The following ATP9A variants were observed in gnomAD, a reference collection of about 807,000 sequenced individuals.
ATP9A encodes the protein probable phospholipid-transporting ATPase IIA.
ATP9A carries 52 observed loss-of-function variants against 144.1 expected under a neutral mutation model. The ratio of observed to expected loss-of-function variants is 0.36; its 90% confidence interval spans 0.29 to 0.45. ATP9A has a LOEUF of 0.45. Ranked by LOEUF, ATP9A falls within the 20% of genes least tolerant of loss-of-function variation. The pLI is 1.00. For missense variants in ATP9A, 947 were observed against 1,392.7 expected (o/e 0.68, Z 5.09); for synonymous variants, 582 against 557.4 (o/e 1.04, Z -0.62).
intron 1 of ATP9A, among the ~76,000 whole-genome samples, chr20:51,767,249 C>T (rs1428589835): frequency 6.6e-6 from 1 of 152,122 alleles, no homozygotes. Context: ...CCGCAGGCCC[C>T]GCCCAACACC....
intron 1 of ATP9A, among the ~76,000 whole-genome samples, chr20:51,760,406 C>T (rs778393606): frequency 9.2e-5 from 14 of 152,128 alleles, no homozygotes; most frequent in Non-Finnish European, 1.9e-4. Context: ...TTCGAAAATT[C>T]AGTGCTCACA....
chr20:51,689,001 A>G, intron 9 of ATP9A, 63 bp downstream of exon 9: 1 of 1,541,170 alleles, frequency 6.5e-7, no homozygotes, highest in African/African-American at 1.4e-5. Context: ...TGATTATTCT[A>G]ATTACAAAAG....
At position 51,743,997 on chromosome 20, in the gene ATP9A, A is replaced by ACT. The variant is rs963100265; in HGVS notation, c.69-14021_69-14020dup. ...ACTCCAGCCTTGGTGACAGAGTAAGACTCCATCTCAAAAAAAAAAAAGTTA... is the reference window on the plus strand; with the variant it reads ...ACTCCAGCCTTGGTGACAGAGTAAGACTCTCCATCTCAAAAAAAAAAAAGTTA... On this transcript the variant is annotated intron_variant, in intron 1 of 27. Transcript: ENST00000338821. Among the ~76,000 whole-genome samples the ACT allele has an allele frequency of 2.0e-5, 3 of 150,632 alleles. No individual in the cohort carries two copies. The East Asian group carries it at 6.0e-4, about 30-fold the overall frequency.
In ATP9A at chr20:51,729,852, G is replaced by C. The variant is rs370100451; in HGVS notation, c.195C>G (p.Phe65Leu). The C allele has an allele frequency of 8.8e-6, 14 of 1,590,964 alleles. No individual in the cohort carries two copies. The African/African-American group carries it at 1.8e-4, about 20-fold the overall frequency. The change falls in exon 2 of 28, where the codon TTC (phenylalanine) becomes TTG (leucine). Residue 65 changes from phenylalanine to leucine, a missense_variant. Phe to Leu is a conservative substitution (Grantham distance 22). Around this residue, in one of 2 missense-constraint regions of ATP9A, gnomAD observed 770 missense variants for 1,047.9 expected, o/e 0.73. Transcript: ENST00000338821. Reference sequence around the variant, plus strand: ...CACGTACCCCAGGAAGAAAGGTGAAGAAATTGTACTTCTGATTGTTGATGA... The same window carrying C: ...CACGTACCCCAGGAAGAAAGGTGAACAAATTGTACTTCTGATTGTTGATGA... Reference protein sequence around the residue: ...RNVINNQKYNFFTFLPGVLFN... With the variant: ...RNVINNQKYNLFTFLPGVLFN...
Position 51,671,146 on chromosome 20 carries a change from G to A in ATP9A, c.1149C>T (p.Gly383=), listed in dbSNP as rs766017062. The change falls in exon 12 of 28, where the codon GGC becomes GGT. Residue 383 remains glycine (G), a synonymous_variant. Transcript: ENST00000338821. ...VRSSTIPEQL[G]RISYLLTDKT... ...TGTCTGTGAGTAAGTACGAAATCCT[G>A]CCCAGCTGCTCAGGAATCGTGCTGG... 1.2e-6 allele frequency: 2 copies of A among 1,613,994 alleles called. No individual in the cohort carries two copies. The highest frequency in any genetic ancestry group is 8.5e-7 in the Non-Finnish European group (1 of 1,179,954).
At chr20:51,745,426 C>CAAA (rs11483249) in intron 1 of ATP9A, among the ~76,000 whole-genome samples, 15 of 142,592 alleles carry the variant, frequency 1.1e-4, no homozygotes, top group Admixed American at 3.6e-4. Context: ...GATTCTGTCT[C>CAAA]AAAAAAAAAA....
chr20:51,719,749 G>GAAAAA (rs1343871320), intron 3 of ATP9A, among the ~76,000 whole-genome samples: 26,158 of 128,114 alleles, frequency 0.2, 3,009 homozygotes, highest in East Asian at 0.42. Flanking sequence ...AAAAAAAGGG[G>GAAAAA]GGGGAAGAAG....
intron 4 of ATP9A, among the ~76,000 whole-genome samples, chr20:51,707,422 A>C (rs774800775): frequency 6.6e-6 from 1 of 152,124 alleles, no homozygotes; most frequent in Admixed American, 6.5e-5. Flanking sequence ...TGCCTGCTTC[A>C]ATACCATCCA....
In ATP9A at chr20:51,671,201, T is replaced by TC. The variant is rs1347132791; in HGVS notation, c.1093dup (p.Asp365GlyfsTer16). The TC allele has an allele frequency of 1.2e-6, 2 of 1,613,988 alleles. No individual in the cohort carries two copies. Among genetic ancestry groups the TC allele is most frequent in the Non-Finnish European group, 1.7e-6 (2 of 1,179,990 alleles). ...AACCACGGTCCCGGGGATTTTCGAGTCCCTTCGAATCACCCAGCTGTACAC... is the reference window on the plus strand; with the variant it reads ...AACCACGGTCCCGGGGATTTTCGAGTCCCCTTCGAATCACCCAGCTGTACAC... On this transcript the variant is annotated frameshift_variant, in exon 12 of 28. Transcript: ENST00000338821. LOFTEE classifies it high-confidence loss of function.
At chr20:51,717,008 C>T (rs568019996) in intron 3 of ATP9A, among the ~76,000 whole-genome samples, 8 of 151,916 alleles carry the variant, frequency 5.3e-5, no homozygotes, top group African/African-American at 1.9e-4. Context: ...ACCCCCACCC[C>T]TATTAAAAGT....
At chr20:51,612,895 G>A (rs945590485) in intron 23 of ATP9A, among the ~76,000 whole-genome samples, 8 of 152,180 alleles carry the variant, frequency 5.3e-5, no homozygotes, top group Non-Finnish European at 1.0e-4. Flanking sequence ...AGACAGAACC[G>A]TGATGCTGAG....
chr20:51,617,326 C>A (rs2077207237), intron 22 of ATP9A, among the ~76,000 whole-genome samples, 164 bp downstream of exon 22: 1 of 152,154 alleles, frequency 6.6e-6, no homozygotes, highest in African/African-American at 2.4e-5. Context: ...TGTAGCAATA[C>A]AGACCTCTAT....
At chr20:51,724,807 A>G (rs564376269) in intron 3 of ATP9A, among the ~76,000 whole-genome samples, 10 of 152,346 alleles carry the variant, frequency 6.6e-5, no homozygotes, top group African/African-American at 2.4e-4. Context: ...TACACATCGC[A>G]TGCACAAAAG....
chr20:51,666,679 TAAAA>T (rs11308492), intron 13 of ATP9A, among the ~76,000 whole-genome samples: 1 of 135,288 alleles, frequency 7.4e-6, no homozygotes, highest in Non-Finnish European at 1.6e-5. Context: ...GACTGTGTCT[TAAAA>T]AAAAAAAAAA....
intron 4 of ATP9A, among the ~76,000 whole-genome samples, chr20:51,712,216 G>A (rs2077642286): frequency 6.6e-6 from 1 of 151,960 alleles, no homozygotes; most frequent in Non-Finnish European, 1.5e-5. Context: ...GGGACTACAG[G>A]CGCCCGCCAC....
At chr20:51,602,492 T>C (rs1275122017) in intron 27 of ATP9A, among the ~76,000 whole-genome samples, 1 of 152,220 alleles carries the variant, frequency 6.6e-6, no homozygotes, top group African/African-American at 2.4e-5. Flanking sequence ...TTTGAGCACA[T>C]ACTAGGTCTC....
At chr20:51,733,716 C>T (rs1305719522) in intron 1 of ATP9A, among the ~76,000 whole-genome samples, 1 of 151,720 alleles carries the variant, frequency 6.6e-6, no homozygotes, top group African/African-American at 2.4e-5. Flanking sequence ...CTGTATTACC[C>T]AGGCTGGTGT....
intron 1 of ATP9A, among the ~76,000 whole-genome samples, chr20:51,732,208 C>T (rs927148878): frequency 1.3e-5 from 2 of 152,042 alleles, no homozygotes; most frequent in African/African-American, 4.8e-5. Context: ...TTCAGGAGAG[C>T]TTTATTAAAC....
chr20:51,626,630 C>A (rs1484308146), intron 17 of ATP9A, among the ~76,000 whole-genome samples: 2 of 150,494 alleles, frequency 1.3e-5, no homozygotes, highest in Admixed American at 6.6e-5. Context: ...GGCAGCATAG[C>A]GAGACCCCGT....
Sources: allele counts gnomAD v4.1 joint callset (sites outside exome capture counted in the v4.1 genomes callset), GRCh38; gene constraint gnomAD v4.1.1; regional missense constraint gnomAD v4.1.1; transcripts MANE v1.5; gene names NCBI Gene and HGNC (gene_info 2026-07-23, HGNC 2026-07-21).